Variants in AGPAT3 observed in about 807,000 individuals in gnomAD.
AGPAT3 encodes 1-acyl-sn-glycerol-3-phosphate acyltransferase gamma.
In AGPAT3, 5 loss-of-function variants were observed where a neutral mutation model predicts 47.3. The ratio of observed to expected loss-of-function variants is 0.11; its 90% confidence interval spans 0.06 to 0.22. The LOEUF is 0.22. AGPAT3 is among the 10% of genes least tolerant of loss of function. The pLI is 1.00. For missense variants in AGPAT3, 315 were observed against 493.0 expected (o/e 0.64, Z 3.42); for synonymous variants, 212 against 208.3 (o/e 1.02, Z -0.15).
rs1017485125 is a variant in AGPAT3, at chr21:43,930,901, T to C, written c.-49+26882T>C. ...GGGCGGGCGCCACTTCCTTCCTGCATGTTCCTGTTCCGCATTACAGATTGT... is the reference window on the plus strand; with the variant it reads ...GGGCGGGCGCCACTTCCTTCCTGCACGTTCCTGTTCCGCATTACAGATTGT... On this transcript the variant is annotated intron_variant, in intron 2 of 9. Coordinates refer to ENST00000291572, the MANE Select transcript of AGPAT3 (RefSeq NM_020132.5). The surrounding 1 kb of genome is among the most constrained non-coding windows in gnomAD (Gnocchi z 5.0). Among the ~76,000 whole-genome samples the C allele has an allele frequency of 4.6e-5, 7 of 152,190 alleles. No homozygotes were observed. The highest frequency in any genetic ancestry group is 1.0e-4 in the Non-Finnish European group (7 of 68,028).
intron 3 of AGPAT3, among the ~76,000 whole-genome samples, chr21:43,963,542 TCTA>T (rs1175325981): frequency 6.6e-6 from 1 of 151,810 alleles, no homozygotes; most frequent in African/African-American, 2.4e-5. Context: ...AAACCCCATC[TCTA>T]CTAAAAATAT....
chr21:43,867,934 C>T (rs541126809), intron 1 of AGPAT3, among the ~76,000 whole-genome samples: 6 of 152,288 alleles, frequency 3.9e-5, no homozygotes, highest in Admixed American at 3.3e-4. Context: ...AACATGACCA[C>T]GAGGCGTCTG....
intron 7 of AGPAT3, among the ~76,000 whole-genome samples, chr21:43,973,546 C>T (rs1238118528): frequency 4.6e-5 from 7 of 152,230 alleles, no homozygotes; most frequent in South Asian, 2.1e-4. Flanking sequence ...GCCTCCGCCT[C>T]GGGTGCCACA....
chr21:43,877,159 C>T (rs1465156215), intron 1 of AGPAT3, among the ~76,000 whole-genome samples: 3 of 151,976 alleles, frequency 2.0e-5, no homozygotes, highest in African/African-American at 4.8e-5. Context: ...ATGCCCAGCC[C>T]ACCAGTTTTA....
chr21:43,950,455 A>C (rs2088136910), intron 2 of AGPAT3, among the ~76,000 whole-genome samples: 1 of 152,236 alleles, frequency 6.6e-6, no homozygotes, highest in Non-Finnish European at 1.5e-5. Flanking sequence ...TTTGCCCTTT[A>C]AACCTCAAAA....
At chr21:43,872,099 A>T (rs1350160338) in intron 1 of AGPAT3, among the ~76,000 whole-genome samples, 1 of 150,934 alleles carries the variant, frequency 6.6e-6, no homozygotes, top group Non-Finnish European at 1.5e-5. Context: ...GCACCGTGGT[A>T]TTTCACATTC....
intron 1 of AGPAT3, among the ~76,000 whole-genome samples, chr21:43,891,619 C>T (rs1411013431): frequency 6.7e-6 from 1 of 149,516 alleles, no homozygotes; most frequent in Non-Finnish European, 1.5e-5. Context: ...GGTGACAGAG[C>T]GAGACTCCAT....
intron 1 of AGPAT3, among the ~76,000 whole-genome samples, chr21:43,875,591 C>T (rs1185218698): frequency 2.0e-5 from 3 of 152,230 alleles, no homozygotes; most frequent in Non-Finnish European, 4.4e-5. Context: ...TCATCTCCAT[C>T]TACTGTGCTA....
chr21:43,955,119 G>C lies in AGPAT3; in HGVS notation c.-48-4515G>C. On this transcript the variant is annotated intron_variant, in intron 2 of 9. Transcript: ENST00000291572. This position sits in a 1 kb window ranked among gnomAD's most constrained non-coding sequence, Gnocchi z 4.1. ...CGTATCACCGTGGCACGTCCATGCC[G>C]TGGGGGTCACTCAGCAGCCACGGAT... 1 of 1,275,220 alleles carries C rather than the reference G, an allele frequency of 7.8e-7. No individual in the cohort carries two copies. The highest frequency in any genetic ancestry group is 2.4e-5 in the Admixed American group (1 of 42,270). The allele number at this position is 1,275,220 out of a possible 1,614,324, so 79.0% of individuals were successfully genotyped here.
intron 7 of AGPAT3, among the ~76,000 whole-genome samples, chr21:43,973,705 T>C (rs546993980): frequency 1.3e-5 from 2 of 152,254 alleles, no homozygotes; most frequent in Non-Finnish European, 2.9e-5. Context: ...GGAGCAGCAG[T>C]GTCCCCGCGC....
chr21:43,962,348 G>A (rs1469927007), intron 3 of AGPAT3, among the ~76,000 whole-genome samples: 3 of 152,148 alleles, frequency 2.0e-5, no homozygotes, highest in Non-Finnish European at 4.4e-5. Context: ...TTTTCTGTGG[G>A]AAGGGAGAAT....
chr21:43,909,266 C>T (rs1035174423), intron 2 of AGPAT3, among the ~76,000 whole-genome samples: 4 of 149,372 alleles, frequency 2.7e-5, no homozygotes, highest in African/African-American at 9.8e-5. Flanking sequence ...GACTGGCCGG[C>T]GGTGGGCCAC....
chr21:43,953,633 C>A (rs1025989036), intron 2 of AGPAT3, among the ~76,000 whole-genome samples: 1 of 152,166 alleles, frequency 6.6e-6, no homozygotes, highest in African/African-American at 2.4e-5. Context: ...AATGCAGATT[C>A]CAGGAGCAAG....
chr21:43,884,243 C>T (rs1421887155), intron 1 of AGPAT3, among the ~76,000 whole-genome samples: 14 of 149,842 alleles, frequency 9.3e-5, no homozygotes, highest in Middle Eastern at 3.4e-3. Flanking sequence ...CTTCCCCACC[C>T]GCTTCCCCCT....
chr21:43,953,320 C>T lies in AGPAT3; in HGVS notation c.-48-6314C>T, dbSNP rs1304994338. ...GAAATGGAAACAGGGACGGGATGTT[C>T]GGCAGTATTCTGTCGGTATTCATTT... On this transcript the variant is annotated intron_variant, in intron 2 of 9. Coordinates refer to ENST00000291572, the MANE Select transcript of AGPAT3 (RefSeq NM_020132.5). Among the ~76,000 whole-genome samples the T allele has an allele frequency of 5.3e-5, 8 of 152,226 alleles. No individual in the cohort carries two copies. In the East Asian group the frequency reaches 7.7e-4, roughly 15 times the overall value.
At position 43,981,312 on chromosome 21, in the gene AGPAT3, G is replaced by A; in HGVS notation, c.1042+125G>A. ...CAGGGGCCTGGCTGTTATGGACCCTGGAGCCAGGATCCCCCCACGGCCTGC... is the reference window on the plus strand; with the variant it reads ...CAGGGGCCTGGCTGTTATGGACCCTAGAGCCAGGATCCCCCCACGGCCTGC... On this transcript the variant is annotated intron_variant, in intron 9 of 9. Coordinates refer to ENST00000291572, the MANE Select transcript of AGPAT3 (RefSeq NM_020132.5). The surrounding 1 kb of genome is among the most constrained non-coding windows in gnomAD (Gnocchi z 5.3). The A allele has an allele frequency of 9.4e-7, 1 of 1,062,798 alleles. No individual in the cohort carries two copies. Among genetic ancestry groups the A allele is most frequent in the Non-Finnish European group, 1.4e-6 (1 of 714,710 alleles). The allele number at this position is 1,062,798 out of a possible 1,614,324, so 65.8% of individuals were successfully genotyped here.
chr21:43,872,416 A>G (rs1327523045), intron 1 of AGPAT3, among the ~76,000 whole-genome samples: 1 of 152,050 alleles, frequency 6.6e-6, no homozygotes, highest in Non-Finnish European at 1.5e-5. Context: ...CCTGACCTCA[A>G]GTGATCCACC....
At chr21:43,959,590 T>C (rs781451381) in intron 2 of AGPAT3, 44 bp from the exon 3 acceptor site, 1 of 1,570,902 alleles carries the variant, frequency 6.4e-7, no homozygotes, top group Non-Finnish European at 8.7e-7. Flanking sequence ...TGTGAGGGTG[T>C]GGGCGTGGCC....
At chr21:43,882,696 C>T (rs1260605562) in intron 1 of AGPAT3, 1 of 152,352 alleles carries the variant, frequency 6.6e-6, no homozygotes, top group African/African-American at 2.4e-5. Context: ...AAACACCCCT[C>T]CATAAACATC....
Sources: allele counts gnomAD v4.1 joint callset (sites outside exome capture counted in the v4.1 genomes callset), GRCh38; gene constraint gnomAD v4.1.1; non-coding constraint Gnocchi (gnomAD v3.1); transcripts MANE v1.5; gene names NCBI Gene and HGNC (gene_info 2026-07-23, HGNC 2026-07-21).